The following ELAVL4 variants were observed in gnomAD, a reference collection of about 807,000 sequenced individuals.
The protein encoded by ELAVL4 is ELAV like RNA binding protein 4, also known as ELAV-like protein 4.
A neutral mutation model predicts 35.6 loss-of-function variants in ELAVL4; 1 was observed. The ratio of observed to expected loss-of-function variants is 0.03; its 90% confidence interval spans 0.01 to 0.13. ELAVL4 has a LOEUF of 0.13. Ranked by LOEUF, ELAVL4 falls within the 10% of genes least tolerant of loss-of-function variation. The pLI is 1.00. For missense variants in ELAVL4, 267 were observed against 464.9 expected (o/e 0.57, Z 3.91); for synonymous variants, 156 against 171.0 (o/e 0.91, Z 0.69).
At chr1:50,078,233 C>G (rs1207862403) in intron 1 of ELAVL4, among the ~76,000 whole-genome samples, 1 of 151,864 alleles carries the variant, frequency 6.6e-6, no homozygotes, top group Non-Finnish European at 1.5e-5. Flanking sequence ...AGAGCAAACT[C>G]TCATGCCTTC....
At chr1:50,150,502 A>C (rs1674588191) in intron 2 of ELAVL4, among the ~76,000 whole-genome samples, 1 of 152,190 alleles carries the variant, frequency 6.6e-6, no homozygotes, top group Non-Finnish European at 1.5e-5. Flanking sequence ...AACAATCCTG[A>C]GCGTGTCTCT....
chr1:50,131,709 G>C (rs1030400236), intron 1 of ELAVL4, among the ~76,000 whole-genome samples: 4 of 152,050 alleles, frequency 2.6e-5, no homozygotes, highest in African/African-American at 9.7e-5. Flanking sequence ...AGAATCACTT[G>C]AACCTAGGAG....
chr1:50,129,388 A>G (rs1328233653), intron 1 of ELAVL4, among the ~76,000 whole-genome samples: 2 of 152,148 alleles, frequency 1.3e-5, no homozygotes, highest in East Asian at 1.9e-4. Context: ...GTCAGTATGC[A>G]GAGTGCACTG....
chr1:50,135,266 C>A (rs1212447048), intron 1 of ELAVL4, among the ~76,000 whole-genome samples: 4 of 152,224 alleles, frequency 2.6e-5, no homozygotes, highest in African/African-American at 9.6e-5. Flanking sequence ...GCTATATTCT[C>A]ATTGTAGAAA....
At chr1:50,106,505 G>GAA (rs891572455), upstream of ELAVL4, 11 of 672,420 alleles carry the variant, frequency 1.6e-5, no homozygotes, top group Admixed American at 8.5e-5. Context: ...GATTGTGGCA[G>GAA]AAAAAAAAAA....
intron 2 of ELAVL4, among the ~76,000 whole-genome samples, chr1:50,170,330 G>T (rs1390946513): frequency 6.6e-6 from 1 of 152,160 alleles, no homozygotes; most frequent in African/African-American, 2.4e-5. Flanking sequence ...CGCAAAGTAA[G>T]AATGTAAATT....
At chr1:50,185,756 G>A (rs1165093779) in intron 3 of ELAVL4, among the ~76,000 whole-genome samples, 1 of 152,196 alleles carries the variant, frequency 6.6e-6, no homozygotes, top group Non-Finnish European at 1.5e-5. Context: ...ACATGTTTCA[G>A]TGATGAGTAA....
intron 1 of ELAVL4, among the ~76,000 whole-genome samples, chr1:50,091,411 C>T (rs1295647306): frequency 1.3e-5 from 2 of 152,170 alleles, no homozygotes; most frequent in Non-Finnish European, 2.9e-5. Context: ...CACCCCCTGA[C>T]AAGGCAGATG....
chr1:50,075,130 G>A (rs1425251200), intron 1 of ELAVL4, among the ~76,000 whole-genome samples: 1 of 152,112 alleles, frequency 6.6e-6, no homozygotes, highest in Non-Finnish European at 1.5e-5. Flanking sequence ...TGTCAGATGG[G>A]GAATTCCATG....
At chr1:50,049,546 A>G (rs1241401333) in intron 1 of ELAVL4, among the ~76,000 whole-genome samples, 2 of 152,198 alleles carry the variant, frequency 1.3e-5, no homozygotes, top group African/African-American at 4.8e-5. Flanking sequence ...AAGTGACAGT[A>G]CAATGCTGCA....
intron 1 of ELAVL4, among the ~76,000 whole-genome samples, chr1:50,137,438 T>C (rs1032841031): frequency 4.0e-5 from 6 of 150,280 alleles, no homozygotes; most frequent in East Asian, 2.0e-4. Context: ...ACTCAGGAGG[T>C]TGAGGTGGGA....
At chr1:50,111,932 G>T (rs1214949295) in intron 1 of ELAVL4, among the ~76,000 whole-genome samples, 1 of 152,040 alleles carries the variant, frequency 6.6e-6, no homozygotes, top group Non-Finnish European at 1.5e-5. Flanking sequence ...TTTACTAAAG[G>T]ACAAAATAGA....
chr1:50,200,589 T>G (rs559949069), intron 6 of ELAVL4, among the ~76,000 whole-genome samples: 2 of 152,326 alleles, frequency 1.3e-5, no homozygotes, highest in Admixed American at 1.3e-4. Context: ...AGCCTTGCTC[T>G]GGGAGCCCTG....
At chr1:50,193,952 T>C in intron 4 of ELAVL4, 34 bp downstream of exon 4, 1 of 1,610,420 alleles carries the variant, frequency 6.2e-7, no homozygotes, top group Non-Finnish European at 8.5e-7. Context: ...TTTCCTTGTA[T>C]ATCAATGTCA....
At chr1:50,131,490 T>TA (rs112822004) in intron 1 of ELAVL4, among the ~76,000 whole-genome samples, 46 of 152,044 alleles carry the variant, frequency 3.0e-4, no homozygotes, top group African/African-American at 1.0e-3. Flanking sequence ...GGAGTTTTTT[T>TA]AAAAAAATAG....
chr1:50,144,214 A>G (rs1673300131), intron 1 of ELAVL4, among the ~76,000 whole-genome samples: 1 of 152,152 alleles, frequency 6.6e-6, no homozygotes, highest in Non-Finnish European at 1.5e-5. Flanking sequence ...TTAATTAAAT[A>G]TTTTAATCAA....
Position 50,201,364 on chromosome 1 carries a change from A to T in ELAVL4, c.*186A>T. On this transcript the variant is annotated 3_prime_UTR_variant, in exon 7 of 7. Coordinates refer to ENST00000371824, the MANE Select transcript of ELAVL4 (RefSeq NM_001144774.3). This position sits in a 1 kb window ranked among gnomAD's most constrained non-coding sequence, Gnocchi z 4.3. ...GGATTATCCTGAGGTGTACCAGGAA[A>T]GGATTTTATAATGCTTAGAAAAAAA... 1 of 530,044 alleles carries T rather than the reference A, an allele frequency of 1.9e-6. No homozygotes were observed. Among genetic ancestry groups the T allele is most frequent in the Non-Finnish European group, 2.9e-6 (1 of 350,560 alleles). The allele number at this position is 530,044 out of a possible 1,614,324, so 32.8% of individuals were successfully genotyped here. A position where few individuals can be genotyped will look rare whatever the true frequency, so the allele number is the denominator to read the frequency against.
At chr1:50,133,114 C>T (rs376882116) in intron 1 of ELAVL4, among the ~76,000 whole-genome samples, 9 of 152,260 alleles carry the variant, frequency 5.9e-5, no homozygotes, top group African/African-American at 1.7e-4. Context: ...GACTCCTGGG[C>T]TGTTTCCGTT....
chr1:50,099,288 C>T (rs545988115), upstream of ELAVL4, among the ~76,000 whole-genome samples: 12 of 152,168 alleles, frequency 7.9e-5, no homozygotes, highest in South Asian at 2.1e-4. Flanking sequence ...TGGCTGGGTG[C>T]GGTGGCTCAC....
Sources: allele counts gnomAD v4.1 joint callset (sites outside exome capture counted in the v4.1 genomes callset), GRCh38; gene constraint gnomAD v4.1.1; non-coding constraint Gnocchi (gnomAD v3.1); transcripts MANE v1.5; gene names NCBI Gene and HGNC (gene_info 2026-07-23, HGNC 2026-07-21).